The following WNK2 variants were observed in gnomAD, a reference collection of about 807,000 sequenced individuals.
WNK2 encodes serine/threonine-protein kinase WNK2.
In WNK2, 67 loss-of-function variants were observed where a neutral mutation model predicts 192.1. The ratio of observed to expected loss-of-function variants is 0.35; its 90% CI spans 0.29 to 0.43. WNK2 has a LOEUF of 0.43. Ranked by LOEUF, WNK2 falls within the 20% of genes least tolerant of loss-of-function variation. The probability of loss-of-function intolerance (pLI) is 1.00; values close to 1 mark genes in which losing one functional copy is unlikely to be tolerated. For synonymous variants in WNK2, 1,439 were observed against 1,393.9 expected, an observed-to-expected ratio of 1.03 and a Z score of -0.72; for missense variants, 2,698 against 3,089.7, an observed-to-expected ratio of 0.87 and a Z score of 3.01.
chr9:93,318,096 G>A lies in WNK2; in HGVS notation c.6628+465G>A, dbSNP rs557537252. 279 of 1,588,766 alleles carry A rather than the reference G, an allele frequency of 1.8e-4. 1 individual carries two copies. The South Asian group carries it at 1.9e-3, about 11-fold the overall frequency. On this transcript the variant is annotated intron_variant, in intron 29 of 29. Coordinates refer to ENST00000427277, the MANE Select transcript of WNK2 (RefSeq NM_006648.4). Reference sequence around the variant, plus strand: ...TTGAGTTGATGGTTAGAACCTTGTCGTCACCCTGCAGAAGTACAGTGCCTT... The same window carrying A: ...TTGAGTTGATGGTTAGAACCTTGTCATCACCCTGCAGAAGTACAGTGCCTT...
chr9:93,257,206 A>G lies in WNK2; in HGVS notation c.2382+67A>G. ...TTTGCCAGGCCCTGGCTGGTGCACT[A>G]GGACACCCACAGAGGGGGTTGTCTG... is the stretch of plus-strand genomic sequence containing the variant. On this transcript the variant is annotated intron_variant, in intron 11 of 29. Coordinates refer to ENST00000427277, the MANE Select transcript of WNK2 (RefSeq NM_006648.4). This position sits in a 1 kb window ranked among gnomAD's most constrained non-coding sequence, Gnocchi z 4.7. 1.3e-6 allele frequency: 2 copies of G among 1,517,048 alleles called. No homozygotes were observed. Among genetic ancestry groups the G allele is most frequent in the Non-Finnish European group, 1.8e-6 (2 of 1,126,846 alleles). 94.0% of individuals were successfully genotyped at this position (1,517,048 alleles called of 1,614,324 possible).
intron 2 of WNK2, among the ~76,000 whole-genome samples, chr9:93,201,942 G>A (rs1383397679): frequency 2.6e-5 from 4 of 152,242 alleles, no homozygotes; most frequent in Non-Finnish European, 1.5e-5. Context: ...GCAGGCCAGA[G>A]TGGAGCTCCT....
chr9:93,221,284 C>A (rs1026784500), intron 2 of WNK2, among the ~76,000 whole-genome samples: 19 of 152,230 alleles, frequency 1.2e-4, no homozygotes, highest in Non-Finnish European at 4.4e-5. Flanking sequence ...CCGGGCACCA[C>A]CCCCATTGCA....
chr9:93,211,018 TTCAC>T (rs1201071105), intron 2 of WNK2, among the ~76,000 whole-genome samples: 3 of 152,112 alleles, frequency 2.0e-5, no homozygotes, highest in African/African-American at 7.2e-5. Context: ...CATTCACTCA[TTCAC>T]TCACTATACA....
intron 2 of WNK2, among the ~76,000 whole-genome samples, chr9:93,193,966 A>C (rs1830790464): frequency 6.6e-6 from 1 of 152,232 alleles, no homozygotes; most frequent in Non-Finnish European, 1.5e-5. Context: ...GAATAAAGTC[A>C]ACTGATCTCT....
chr9:93,274,046 C>T (rs1846375604), intron 19 of WNK2, among the ~76,000 whole-genome samples: 1 of 152,008 alleles, frequency 6.6e-6, no homozygotes, highest in Admixed American at 6.6e-5. Context: ...ACAAGGAAAA[C>T]CTATAGCAAA....
chr9:93,193,665 T>C (rs1587769264), intron 2 of WNK2, among the ~76,000 whole-genome samples: 1 of 152,314 alleles, frequency 6.6e-6, no homozygotes, highest in East Asian at 1.9e-4. Context: ...GAATCCCAGC[T>C]GGGTGGAGAG....
chr9:93,226,020 G>A (rs1837751224), intron 2 of WNK2, among the ~76,000 whole-genome samples: 1 of 152,214 alleles, frequency 6.6e-6, no homozygotes, highest in Non-Finnish European at 1.5e-5. Context: ...TTAACTTTCA[G>A]CTCCTGCATG....
chr9:93,266,438 A>G, intron 16 of WNK2, among the ~76,000 whole-genome samples: 1 of 152,220 alleles, frequency 6.6e-6, no homozygotes, highest in East Asian at 1.9e-4. Flanking sequence ...TTTTATTCTC[A>G]ACATACTTGA....
At chr9:93,258,042 G>T (rs894173795) in intron 11 of WNK2, among the ~76,000 whole-genome samples, 2 of 152,206 alleles carry the variant, frequency 1.3e-5, no homozygotes, top group Non-Finnish European at 2.9e-5. Context: ...CTTTTGTGTT[G>T]TCTCACCCTG....
In WNK2 at chr9:93,259,001, C is replaced by G; in HGVS notation, c.2453C>G (p.Pro818Arg). ...AGIDGLPPAL[P>R]DLPTATVPPV... ...ATCGACGGCCTCCCTCCGGCCCTCC[C>G]AGACCTGCCGACCGCGACTGTGCCT... The change falls in exon 12 of 30, where the codon CCA becomes CGA. Residue 818 changes from proline (P) to arginine (R), a missense_variant. This residue lies in a region of WNK2 where 893 missense variants were observed against 909.0 expected (regional missense o/e 0.98). Coordinates refer to ENST00000427277, the MANE Select transcript of WNK2 (RefSeq NM_006648.4). The surrounding 1 kb of genome is among the most constrained non-coding windows in gnomAD (Gnocchi z 4.8). 1.2e-6 allele frequency: 2 copies of G among 1,613,034 alleles called. No individual in the cohort carries two copies. The highest frequency in any genetic ancestry group is 1.6e-4 in the Middle Eastern group (1 of 6,062).
intron 2 of WNK2, among the ~76,000 whole-genome samples, chr9:93,204,006 T>A (rs774463954): frequency 6.6e-6 from 1 of 152,026 alleles, no homozygotes; most frequent in Non-Finnish European, 1.5e-5. Flanking sequence ...CGGGATGGCA[T>A]CCTTGGGAAC....
chr9:93,186,986 C>T (rs924289846), intron 2 of WNK2, among the ~76,000 whole-genome samples: 1 of 152,078 alleles, frequency 6.6e-6, no homozygotes, highest in Non-Finnish European at 1.5e-5. Context: ...GTGTGCTGGG[C>T]ATTCCTGCTG....
chr9:93,259,698 G>C lies in WNK2; in HGVS notation c.3066+84G>C. ...GAGATGCAAAGGAGGACAGAGGCAGGCAAGGAGGCAGCCCTGCCTGGGGTC... is the reference window on the plus strand; with the variant it reads ...GAGATGCAAAGGAGGACAGAGGCAGCCAAGGAGGCAGCCCTGCCTGGGGTC... On this transcript the variant is annotated intron_variant, in intron 12 of 29. Transcript: ENST00000427277. This position sits in a 1 kb window ranked among gnomAD's most constrained non-coding sequence, Gnocchi z 4.8. 4.6e-6 allele frequency: 6 copies of C among 1,313,148 alleles called. No individual in the cohort carries two copies. Among genetic ancestry groups the C allele is most frequent in the Non-Finnish European group, 5.1e-6 (5 of 986,304 alleles). 81.3% of individuals were successfully genotyped at this position (1,313,148 alleles called of 1,614,324 possible).
At chr9:93,211,321 CTCAG>C (rs1440206647) in intron 2 of WNK2, among the ~76,000 whole-genome samples, 6 of 150,938 alleles carry the variant, frequency 4.0e-5, no homozygotes, top group South Asian at 2.1e-4. Flanking sequence ...CACTCATCCA[CTCAG>C]TCACTCTTTG....
At chr9:93,252,816 T>G in intron 8 of WNK2, 67 bp from the exon 9 acceptor site, 239 of 1,295,406 alleles carry the variant, frequency 1.8e-4, no homozygotes, top group Non-Finnish European at 2.2e-4. Context: ...AATATGCAGA[T>G]GAGCCAATGT....
At chr9:93,200,030 GC>G (rs1421289525) in intron 2 of WNK2, among the ~76,000 whole-genome samples, 2 of 152,184 alleles carry the variant, frequency 1.3e-5, no homozygotes, top group African/African-American at 2.4e-5. Flanking sequence ...CAAGTGGCAG[GC>G]CATGCTGAGC....
In WNK2 at chr9:93,184,760, C is replaced by T. The variant is rs150429741; in HGVS notation, c.-2-168C>T. On this transcript the variant is annotated intron_variant, in intron 1 of 29. Coordinates refer to ENST00000427277, the MANE Select transcript of WNK2 (RefSeq NM_006648.4). ...CCTCCCCAACCCAAGCCTCTGGTCC[C>T]GTCTGCAGCCCCCCTTTCCCAGGGC... is the stretch of plus-strand genomic sequence containing the variant. 2.6e-4 allele frequency among the ~76,000 whole-genome samples: 40 copies of T among 152,232 alleles called. 1 individual carries two copies. The East Asian group carries it at 6.4e-3, about 24-fold the overall frequency.
At chr9:93,264,140 C>G in intron 16 of WNK2, 107 bp downstream of exon 16, 1 of 870,970 alleles carries the variant, frequency 1.1e-6, no homozygotes, top group South Asian at 1.5e-5. Context: ...GTGGAGGTGT[C>G]GGTTGGCCCA....
Sources: allele counts gnomAD v4.1 joint callset (sites outside exome capture counted in the v4.1 genomes callset), GRCh38; gene constraint gnomAD v4.1.1; regional missense constraint gnomAD v4.1.1; non-coding constraint Gnocchi (gnomAD v3.1); transcripts MANE v1.5; gene names NCBI Gene and HGNC (gene_info 2026-07-23, HGNC 2026-07-21).